The following TLR2 variants were observed in gnomAD, a reference collection of about 807,000 sequenced individuals.
TLR2 encodes the protein toll like receptor 2, also known as toll-like receptor 2.
Under a neutral mutation model 9.1 loss-of-function variants are expected in TLR2, and 7 were observed. The ratio of observed to expected loss-of-function variants is 0.77; its 90% CI spans 0.44 to 1.44. The LOEUF is 1.44. TLR2 is among the 40% of genes most tolerant of loss of function. The pLI is 0.01. For synonymous variants in TLR2, 317 were observed against 344.6 expected, an observed-to-expected ratio of 0.92 and a Z score of 0.89; for missense variants, 812 against 904.6, an observed-to-expected ratio of 0.90 and a Z score of 1.31.
At chr4:153,695,597 T>A (rs771750537) in intron 2 of TLR2, among the ~76,000 whole-genome samples, 6 of 152,212 alleles carry the variant, frequency 3.9e-5, no homozygotes, top group East Asian at 3.8e-4. Context: ...AAATGGATAG[T>A]TTGTGAATAT....
chr4:153,700,134 T>G (rs1221028680), intron 2 of TLR2, among the ~76,000 whole-genome samples: 4 of 152,042 alleles, frequency 2.6e-5, no homozygotes, highest in African/African-American at 9.7e-5. Context: ...TTAAATAACC[T>G]GAAATCCTGT....
chr4:153,697,129 C>A (rs1036358217), intron 2 of TLR2, among the ~76,000 whole-genome samples: 1 of 151,716 alleles, frequency 6.6e-6, no homozygotes, highest in Non-Finnish European at 1.5e-5. Flanking sequence ...GGATAGGAAT[C>A]CTGGAAAGGG....
intron 2 of TLR2, among the ~76,000 whole-genome samples, chr4:153,697,601 A>C (rs767621419): frequency 5.3e-5 from 8 of 152,314 alleles, no homozygotes; most frequent in Non-Finnish European, 7.4e-5. Context: ...TCTCAAAATC[A>C]AATTCTAAAT....
intron 1 of TLR2, among the ~76,000 whole-genome samples, chr4:153,685,216 A>G (rs965185773): frequency 9.2e-5 from 14 of 152,264 alleles, no homozygotes; most frequent in Non-Finnish European, 1.9e-4. Flanking sequence ...TCCTTCAAGT[A>G]AGAATGCTTT....
chr4:153,687,226 A>T (rs1417529143), intron 1 of TLR2, among the ~76,000 whole-genome samples: 1 of 152,198 alleles, frequency 6.6e-6, no homozygotes, highest in Admixed American at 6.5e-5. Flanking sequence ...AGAAATGAAG[A>T]GTGACGAAAA....
At chr4:153,691,096 G>A (rs1736083119) in intron 2 of TLR2, among the ~76,000 whole-genome samples, 2 of 152,068 alleles carry the variant, frequency 1.3e-5, no homozygotes, top group South Asian at 4.1e-4. Flanking sequence ...TGAAGTATAG[G>A]GCGTGTGAAA....
intron 2 of TLR2, chr4:153,688,684 G>T (rs1735887048): frequency 6.4e-6 from 1 of 157,064 alleles, no homozygotes; most frequent in African/African-American, 2.4e-5. Flanking sequence ...TGCTATTGTT[G>T]TGGCTTAGGA....
At chr4:153,710,443 G>A (rs368796891), downstream of TLR2, 14 of 1,600,904 alleles carry the variant, frequency 8.7e-6, no homozygotes, top group Middle Eastern at 1.7e-4. Flanking sequence ...ACCAAATAAC[G>A]AAGCCAATCC....
downstream of TLR2, among the ~76,000 whole-genome samples, chr4:153,708,910 A>AAATAAGAG (rs1354517352): frequency 6.6e-6 from 1 of 152,160 alleles, no homozygotes; most frequent in African/African-American, 2.4e-5. Flanking sequence ...ACAGGTTTTC[A>AAATAAGAG]AATAAGAGAA....
At position 153,703,614 on chromosome 4, in the gene TLR2, C is replaced by A; in HGVS notation, c.707C>A (p.Thr236Asn). 2 of 1,613,954 alleles carry A rather than the reference C, an allele frequency of 1.2e-6. No individual in the cohort carries two copies. The highest frequency in any genetic ancestry group is 1.7e-6 in the Non-Finnish European group (2 of 1,179,948). The change falls in exon 3 of 3, where the codon ACT becomes AAT. Residue 236 changes from threonine to asparagine, a missense_variant. Thr to Asn is a moderately conservative substitution (Grantham distance 65). Coordinates refer to ENST00000642700, the MANE Select transcript of TLR2 (RefSeq NM_001318789.2). ...CLELRDTDLD[T>N]FHFSELSTGE... ...GAACTGCGAGATACTGATTTGGACA[C>A]TTTCCATTTTTCAGAACTATCCACT...
chr4:153,695,144 A>T (rs1020793167), intron 2 of TLR2, among the ~76,000 whole-genome samples: 3 of 152,180 alleles, frequency 2.0e-5, no homozygotes, highest in African/African-American at 7.2e-5. Flanking sequence ...GGGCGTGCAG[A>T]TATCTCCTTG....
rs1737059839 is a variant in TLR2, at chr4:153,703,337, C to T, written c.430C>T (p.Leu144Phe). 1 of 1,613,886 alleles carries T rather than the reference C, an allele frequency of 6.2e-7. No individual in the cohort carries two copies. Among genetic ancestry groups the T allele is most frequent in the Non-Finnish European group, 8.5e-7 (1 of 1,179,974 alleles). ...NPYKTLGETS[L>F]FSHLTKLQIL... ...TTACAAAACCCTAGGGGAAACATCT[C>T]TTTTTTCTCATCTCACAAAATTGCA... Residue 144 changes from leucine (L) to phenylalanine (F), a missense_variant, in exon 3 of 3, where the codon CTT becomes TTT. Leu to Phe is a conservative substitution (Grantham distance 22). Coordinates refer to ENST00000642700, the MANE Select transcript of TLR2 (RefSeq NM_001318789.2).
intron 2 of TLR2, chr4:153,701,435 C>G (rs1736879489): frequency 6.6e-6 from 1 of 152,210 alleles, no homozygotes; most frequent in Non-Finnish European, 1.5e-5. Context: ...TTCCCAGCCT[C>G]CAGAGCTATA....
intron 2 of TLR2, among the ~76,000 whole-genome samples, chr4:153,689,218 T>G (rs1735930728): frequency 6.6e-6 from 1 of 152,222 alleles, no homozygotes; most frequent in Non-Finnish European, 1.5e-5. Flanking sequence ...TTTCCTGAAT[T>G]TGGTCTTATT....
At chr4:153,696,402 T>C (rs983736761) in intron 2 of TLR2, among the ~76,000 whole-genome samples, 1 of 152,186 alleles carries the variant, frequency 6.6e-6, no homozygotes, top group African/African-American at 2.4e-5. Flanking sequence ...ATAGTTTTCA[T>C]TGTAGAGATC....
intron 2 of TLR2, among the ~76,000 whole-genome samples, chr4:153,694,527 T>C (rs1361803585): frequency 1.3e-5 from 2 of 152,232 alleles, no homozygotes; most frequent in African/African-American, 4.8e-5. Flanking sequence ...GTTTTACTTT[T>C]GTATTTTTAT....
At chr4:153,695,963 T>C (rs982167504) in intron 2 of TLR2, among the ~76,000 whole-genome samples, 1 of 152,336 alleles carries the variant, frequency 6.6e-6, no homozygotes, top group East Asian at 1.9e-4. Context: ...TTGACACTTT[T>C]ATTGAAAATG....
chr4:153,706,726 T>G (rs1351230093), downstream of TLR2, among the ~76,000 whole-genome samples: 2 of 152,220 alleles, frequency 1.3e-5, no homozygotes, highest in Non-Finnish European at 2.9e-5. Context: ...CAACCAGAAC[T>G]GGGTGTATGT....
intron 2 of TLR2, among the ~76,000 whole-genome samples, chr4:153,698,669 T>C (rs1364570509): frequency 6.6e-6 from 1 of 152,186 alleles, no homozygotes; most frequent in Non-Finnish European, 1.5e-5. Context: ...TTTTATAAGA[T>C]AATAAAAACC....
Sources: gnomAD v4.1 joint callset for allele counts (sites outside exome capture counted in the v4.1 genomes callset) on GRCh38, gnomAD v4.1.1 for gene constraint, MANE v1.5 for transcripts, NCBI Gene and HGNC (gene_info 2026-07-23, HGNC 2026-07-21) for gene names.